The following ZNF385D variants were observed in gnomAD, a reference collection of about 807,000 sequenced individuals.
ZNF385D encodes zinc finger protein 659.
In ZNF385D, 15 loss-of-function variants were observed where a neutral mutation model predicts 35.8. The observed-to-expected ratio is 0.42, with a 90% CI of 0.28 to 0.64. The LOEUF (loss-of-function observed/expected upper bound fraction) is 0.64. Ranked by LOEUF, ZNF385D falls within the 30% of genes least tolerant of loss-of-function variation. The pLI is 0.23. For missense variants in ZNF385D, 474 were observed against 494.6 expected (o/e 0.96, Z 0.39); for synonymous variants, 212 against 186.8 (o/e 1.13, Z -1.10).
intron 3 of ZNF385D, among the ~76,000 whole-genome samples, chr3:22,016,831 T>C (rs1696915985): frequency 1.3e-5 from 2 of 152,046 alleles, no homozygotes; most frequent in African/African-American, 4.8e-5. Context: ...TTCAAGCTCC[T>C]AGCCTGCCTC....
At chr3:21,790,408 G>C (rs1264996449) in intron 3 of ZNF385D, among the ~76,000 whole-genome samples, 1 of 152,076 alleles carries the variant, frequency 6.6e-6, no homozygotes, top group Non-Finnish European at 1.5e-5. Context: ...CTAACACACA[G>C]AGTTATCTGT....
intron 3 of ZNF385D, among the ~76,000 whole-genome samples, chr3:21,823,680 A>G (rs1267399094): frequency 6.6e-6 from 1 of 152,212 alleles, no homozygotes; most frequent in African/African-American, 2.4e-5. Context: ...ACAAAATTCA[A>G]TAGCAGTATC....
chr3:21,731,073 G>T (rs1052141955), intron 1 of ZNF385D, among the ~76,000 whole-genome samples: 5 of 152,114 alleles, frequency 3.3e-5, no homozygotes, highest in Non-Finnish European at 5.9e-5. Flanking sequence ...AGTACATGCT[G>T]TAAAATATAT....
At chr3:22,156,781 C>T (rs185348222) in intron 3 of ZNF385D, among the ~76,000 whole-genome samples, 17 of 152,126 alleles carry the variant, frequency 1.1e-4, no homozygotes, top group African/African-American at 2.9e-4. Context: ...AAGGACCGAA[C>T]GCATACCAGG....
At chr3:22,088,449 C>G (rs962063096) in intron 3 of ZNF385D, among the ~76,000 whole-genome samples, 2 of 152,114 alleles carry the variant, frequency 1.3e-5, no homozygotes, top group Admixed American at 1.3e-4. Flanking sequence ...AGTCTGGCAC[C>G]ATTCAACGTG....
intron 3 of ZNF385D, among the ~76,000 whole-genome samples, chr3:22,056,618 A>C (rs975739939): frequency 6.6e-6 from 1 of 152,194 alleles, no homozygotes; most frequent in Non-Finnish European, 1.5e-5. Flanking sequence ...CTACAAATCA[A>C]ATTCAGCTGG....
At chr3:21,602,449 C>G (rs1405567835) in intron 2 of ZNF385D, among the ~76,000 whole-genome samples, 2 of 151,002 alleles carry the variant, frequency 1.3e-5, no homozygotes, top group East Asian at 1.9e-4. Flanking sequence ...GATGGAGACC[C>G]AAGTACTAGC....
chr3:22,090,871 A>C (rs1433602388), intron 3 of ZNF385D, among the ~76,000 whole-genome samples: 1 of 152,216 alleles, frequency 6.6e-6, no homozygotes, highest in East Asian at 1.9e-4. Flanking sequence ...TAATAACCTC[A>C]CCTGTTGGAG....
intron 3 of ZNF385D, among the ~76,000 whole-genome samples, chr3:21,951,939 A>T (rs1175302223): frequency 6.6e-6 from 1 of 151,598 alleles, no homozygotes; most frequent in Admixed American, 6.6e-5. Flanking sequence ...CACAAAGAGC[A>T]TTAACTAGAT....
rs572208305 is a variant in ZNF385D at position 22,370,997 on chromosome 3, C to A, written c.106+1453G>T. ...TAACTCAAGATGTTTGCCCATTCCCCTAGTCTACATTTTAGCTCCATGAAG... is the reference window on the plus strand; with the variant it reads ...TAACTCAAGATGTTTGCCCATTCCCATAGTCTACATTTTAGCTCCATGAAG... On this transcript the variant is annotated intron_variant, in intron 2 of 5. Transcript: ENST00000494108. Among the ~76,000 whole-genome samples the A allele has an allele frequency of 2.0e-5, 3 of 152,278 alleles. No individual in the cohort carries two copies. In the East Asian group the frequency reaches 5.8e-4, roughly 29 times the overall value.
chr3:21,687,432 T>G lies in ZNF385D; in HGVS notation c.23-22404A>C, dbSNP rs2067142112. On this transcript the variant is annotated intron_variant, in intron 1 of 7. Transcript: ENST00000281523. Reference sequence around the variant, plus strand: ...AATAGGCCACTTTTTGGAGCAGTTTTATGTTCATAGCAATATTGCACAGGA... The same window carrying G: ...AATAGGCCACTTTTTGGAGCAGTTTGATGTTCATAGCAATATTGCACAGGA... Among the ~76,000 whole-genome samples, 6 of 152,314 alleles carry G rather than the reference T, an allele frequency of 3.9e-5. 1 individual carries two copies. In the South Asian group the frequency reaches 1.2e-3, roughly 32 times the overall value.
intron 3 of ZNF385D, among the ~76,000 whole-genome samples, chr3:22,162,490 ATT>A (rs1706025497): frequency 6.6e-6 from 1 of 152,170 alleles, no homozygotes; most frequent in Non-Finnish European, 1.5e-5. Flanking sequence ...TAACAGAGAC[ATT>A]TTAACACAGG....
chr3:22,017,421 T>A (rs1696959983), intron 3 of ZNF385D, among the ~76,000 whole-genome samples: 2 of 152,074 alleles, frequency 1.3e-5, no homozygotes, highest in Non-Finnish European at 2.9e-5. Flanking sequence ...GTGTGTTGTC[T>A]TTCAGCTGTA....
intron 3 of ZNF385D, among the ~76,000 whole-genome samples, chr3:22,025,662 G>A (rs1220698914): frequency 6.6e-6 from 1 of 152,130 alleles, no homozygotes; most frequent in Non-Finnish European, 1.5e-5. Flanking sequence ...ATGGCCCACT[G>A]TGAGCGAGCT....
At chr3:22,060,404 C>T (rs1231801704) in intron 3 of ZNF385D, among the ~76,000 whole-genome samples, 1 of 152,112 alleles carries the variant, frequency 6.6e-6, no homozygotes, top group African/African-American at 2.4e-5. Context: ...ATCAACCATC[C>T]ACACATATTC....
chr3:21,754,130 T>C (rs1236193979), upstream of ZNF385D, among the ~76,000 whole-genome samples: 1 of 152,260 alleles, frequency 6.6e-6, no homozygotes, highest in Non-Finnish European at 1.5e-5. Flanking sequence ...AATACTGCAA[T>C]GAACATGGTA....
chr3:22,030,282 T>TC (rs1359136179), intron 3 of ZNF385D, among the ~76,000 whole-genome samples: 2 of 114,522 alleles, frequency 1.7e-5, no homozygotes, highest in African/African-American at 7.1e-5. Flanking sequence ...TATATATATA[T>TC]ATATATATAT....
intron 1 of ZNF385D, among the ~76,000 whole-genome samples, chr3:21,698,600 G>C (rs1432917942): frequency 6.6e-6 from 1 of 151,510 alleles, no homozygotes; most frequent in Non-Finnish European, 1.5e-5. Context: ...GCTCCCTCAA[G>C]CAAATATCCA....
chr3:22,310,291 T>A (rs1187770972), intron 2 of ZNF385D, among the ~76,000 whole-genome samples: 1 of 151,942 alleles, frequency 6.6e-6, no homozygotes, highest in African/African-American at 2.4e-5. Flanking sequence ...TAAAACAAAT[T>A]ACCTTTCTTG....
Sources: gnomAD v4.1 joint callset for allele counts (sites outside exome capture counted in the v4.1 genomes callset) on GRCh38, gnomAD v4.1.1 for gene constraint, MANE v1.5 for transcripts, NCBI Gene and HGNC (gene_info 2026-07-23, HGNC 2026-07-21) for gene names.